Variants in GRB2 observed in about 807,000 individuals in gnomAD.
GRB2 encodes the protein growth factor receptor bound protein 2, also known as growth factor receptor-bound protein 2.
A neutral mutation model predicts 27.4 loss-of-function variants in GRB2; 2 were observed. That is an observed-to-expected ratio of 0.07 (90% CI 0.03 to 0.23). GRB2 has a LOEUF of 0.23. Among genes scored for constraint, GRB2 ranks in the 10% least tolerant of loss-of-function variants. GRB2 has a pLI of 1.00. For synonymous variants in GRB2, 94 were observed against 99.6 expected (o/e 0.94, Z 0.33); for missense variants, 102 against 282.4 (o/e 0.36, Z 4.58).
intron 1 of GRB2, among the ~76,000 whole-genome samples, chr17:75,396,046 C>T (rs994423886): frequency 6.6e-6 from 1 of 151,980 alleles, no homozygotes; most frequent in East Asian, 1.9e-4. Context: ...CCATGTTGGC[C>T]AGGCTGGTCT....
intron 2 of GRB2, among the ~76,000 whole-genome samples, chr17:75,359,355 A>T (rs2078762794): frequency 6.6e-6 from 1 of 150,954 alleles, no homozygotes; most frequent in Non-Finnish European, 1.5e-5. Flanking sequence ...AAAATACAAA[A>T]ATCAGCCAGG....
intron 2 of GRB2, among the ~76,000 whole-genome samples, chr17:75,337,098 T>G (rs893134929): frequency 2.0e-5 from 3 of 152,316 alleles, no homozygotes; most frequent in Non-Finnish European, 4.4e-5. Context: ...AATTCTAGTA[T>G]CCAGAATATC....
At chr17:75,344,274 G>A (rs2078640635) in intron 2 of GRB2, 1 of 151,994 alleles carries the variant, frequency 6.6e-6, no homozygotes, top group African/African-American at 2.4e-5. Flanking sequence ...ACAGATTGTT[G>A]TTTGGCTGCT....
chr17:75,396,968 T>C (rs962129016), intron 1 of GRB2, among the ~76,000 whole-genome samples: 2 of 152,224 alleles, frequency 1.3e-5, no homozygotes, highest in Non-Finnish European at 2.9e-5. Context: ...ATGTTACTAC[T>C]CAACAGCAGT....
At chr17:75,351,216 T>C (rs2078690261) in intron 2 of GRB2, among the ~76,000 whole-genome samples, 1 of 152,086 alleles carries the variant, frequency 6.6e-6, no homozygotes, top group Non-Finnish European at 1.5e-5. Context: ...ATGCATTATT[T>C]TTAAGAATCT....
intron 3 of GRB2, among the ~76,000 whole-genome samples, chr17:75,326,606 C>T (rs925654197): frequency 6.6e-6 from 1 of 152,268 alleles, no homozygotes; most frequent in African/African-American, 2.4e-5. Flanking sequence ...TCTGGGGCCA[C>T]TGCTCAGAGT....
At chr17:75,391,958 C>T (rs2079001593) in intron 2 of GRB2, among the ~76,000 whole-genome samples, 1 of 151,942 alleles carries the variant, frequency 6.6e-6, no homozygotes, top group African/African-American at 2.4e-5. Context: ...CTAAGATAAA[C>T]TTATGAAAAA....
intron 2 of GRB2, among the ~76,000 whole-genome samples, chr17:75,342,701 G>C (rs916122858): frequency 5.9e-5 from 9 of 152,272 alleles, no homozygotes; most frequent in African/African-American, 2.2e-4. Flanking sequence ...TGTAACGTAA[G>C]CACCCTGCCT....
chr17:75,328,611 C>T (rs7219355), intron 3 of GRB2, among the ~76,000 whole-genome samples: 86,105 of 148,168 alleles, frequency 0.58, 29,591 homozygotes, highest in East Asian at 0.85. Flanking sequence ...CATTGCACTC[C>T]AGCCTGGGCA....
At chr17:75,337,898 CTACTATTATTATTATTATTATTATTAT>C (rs1286814336) in intron 2 of GRB2, among the ~76,000 whole-genome samples, 1 of 133,568 alleles carries the variant, frequency 7.5e-6, no homozygotes, top group African/African-American at 3.1e-5. Context: ...ACTACTACTA[CTACTATTATTATTATTATTATTATTAT>C]TATTATTATT....
At chr17:75,350,771 C>T (rs2078686807) in intron 2 of GRB2, among the ~76,000 whole-genome samples, 1 of 152,180 alleles carries the variant, frequency 6.6e-6, no homozygotes. Flanking sequence ...GGATTACAGG[C>T]GTGAAGCACC....
Position 75,320,949 on chromosome 17 carries a change from G to A in GRB2, c.469-396C>T, listed in dbSNP as rs998242441. Among the ~76,000 whole-genome samples, 3 of 152,022 alleles carry A rather than the reference G, an allele frequency of 2.0e-5. No homozygotes were observed. The highest frequency in any genetic ancestry group is 6.6e-5 in the Admixed American group (1 of 15,246). On this transcript the variant is annotated intron_variant, in intron 5 of 5. Coordinates refer to ENST00000316804, the MANE Select transcript of GRB2 (RefSeq NM_002086.5). The surrounding 1 kb of genome is among the most constrained non-coding windows in gnomAD (Gnocchi z 4.3). Reference sequence around the variant, plus strand: ...ATTAAAGCCTAAAGTTCTGGAGCTCGAATAACATAAGGGGCTCTAACCGTA... The same window carrying A: ...ATTAAAGCCTAAAGTTCTGGAGCTCAAATAACATAAGGGGCTCTAACCGTA...
chr17:75,357,928 A>C (rs887756102), intron 2 of GRB2, among the ~76,000 whole-genome samples: 4 of 147,618 alleles, frequency 2.7e-5, no homozygotes, highest in African/African-American at 1.1e-4. Context: ...CTCAAAAAAA[A>C]CAAAAAACAA....
intron 2 of GRB2, chr17:75,371,320 A>C (rs2078855277): frequency 6.6e-6 from 1 of 152,012 alleles, no homozygotes; most frequent in South Asian, 2.1e-4. Flanking sequence ...AAGGGTTTCT[A>C]TTTCTGGTCT....
intron 3 of GRB2, chr17:75,326,251 C>G: frequency 1.8e-6 from 1 of 541,170 alleles, no homozygotes; most frequent in Non-Finnish European, 3.3e-6. Context: ...AGGCACTAAC[C>G]GTGGGTCACT....
chr17:75,330,308 G>C (rs958937869), intron 3 of GRB2, among the ~76,000 whole-genome samples: 1 of 151,952 alleles, frequency 6.6e-6, no homozygotes, highest in Non-Finnish European at 1.5e-5. Context: ...CTTGAACCAG[G>C]GAGTTGGGGG....
rs1598224927 is a variant in GRB2, at chr17:75,339,135, G to C, written c.79-6338C>G. On this transcript the variant is annotated intron_variant, in intron 2 of 5. Transcript: ENST00000316804. Reference sequence around the variant, plus strand: ...GAGATAAGAAGAGAAAGGGCCAAGTGATCCAGTTCTAAGTGTCATCTTTTG... The same window carrying C: ...GAGATAAGAAGAGAAAGGGCCAAGTCATCCAGTTCTAAGTGTCATCTTTTG... 4.0e-6 allele frequency: 5 copies of C among 1,255,288 alleles called. 1 individual carries two copies. Among genetic ancestry groups the C allele is most frequent in the Non-Finnish European group, 4.6e-6 (4 of 865,270 alleles). The allele number at this position is 1,255,288 out of a possible 1,614,324, so 77.8% of individuals were successfully genotyped here. A position where few individuals can be genotyped will look rare whatever the true frequency, so the allele number is the denominator to read the frequency against.
At chr17:75,372,193 C>G (rs990600747) in intron 2 of GRB2, 2 of 152,172 alleles carry the variant, frequency 1.3e-5, no homozygotes, top group Non-Finnish European at 2.9e-5. Flanking sequence ...CAGGCCACCC[C>G]CGAGCAGTGA....
chr17:75,379,944 A>C (rs963292575), intron 2 of GRB2, among the ~76,000 whole-genome samples: 9 of 152,240 alleles, frequency 5.9e-5, no homozygotes, highest in Admixed American at 5.2e-4. Flanking sequence ...AAAAGTACGT[A>C]CATAAGAAAG....
Sources: allele counts gnomAD v4.1 joint callset (sites outside exome capture counted in the v4.1 genomes callset), GRCh38; gene constraint gnomAD v4.1.1; non-coding constraint Gnocchi (gnomAD v3.1); transcripts MANE v1.5; gene names NCBI Gene and HGNC (gene_info 2026-07-23, HGNC 2026-07-21).